The following TENM3 variants were observed in gnomAD, a reference collection of about 807,000 sequenced individuals.
TENM3 encodes teneurin transmembrane protein 3.
A neutral mutation model predicts 255.1 loss-of-function variants in TENM3; 63 were observed. The ratio of observed to expected loss-of-function variants is 0.25; its 90% CI spans 0.20 to 0.30. The LOEUF (loss-of-function observed/expected upper bound fraction) is 0.30. Among genes scored for constraint, TENM3 ranks in the 10% least tolerant of loss-of-function variants. The pLI is 1.00. For missense variants in TENM3, 2,929 were observed against 3,461.1 expected (o/e 0.85, Z 3.86); for synonymous variants, 1,306 against 1,322.3 (o/e 0.99, Z 0.27).
At chr4:181,872,247 A>G in the TENM3 span, among the ~76,000 whole-genome samples, 1 of 151,432 alleles carries the variant, frequency 6.6e-6, no homozygotes, top group Admixed American at 6.6e-5. Context: ...GTGTATACAT[A>G]TATAATATTT....
At chr4:181,641,554 GTATATATATATATATATATATATATATA>G in the TENM3 span, among the ~76,000 whole-genome samples, 14 of 26,912 alleles carry the variant, frequency 5.2e-4, no homozygotes, top group Admixed American at 6.9e-4. Flanking sequence ...TGGTGTGTGT[GTATATATATATATATATATATATATATA>G]TATATATATA....
the TENM3 span, among the ~76,000 whole-genome samples, chr4:181,824,925 G>A: frequency 2.0e-5 from 3 of 152,142 alleles, no homozygotes; most frequent in Non-Finnish European, 4.4e-5. Context: ...ACTGACATTT[G>A]AGGACAGACT....
At chr4:182,142,598 T>A (rs72693841), upstream of TENM3, 10,105 of 167,362 alleles carry the variant, frequency 0.06, 432 homozygotes, top group South Asian at 0.12. Flanking sequence ...GGCGGAATCC[T>A]CTGCTCTGAA....
At chr4:181,596,193 A>G in the TENM3 span, among the ~76,000 whole-genome samples, 1 of 152,218 alleles carries the variant, frequency 6.6e-6, no homozygotes, top group Non-Finnish European at 1.5e-5. Context: ...AAATGCATAC[A>G]TGTATTGCTC....
chr4:181,831,001 T>TA, the TENM3 span, among the ~76,000 whole-genome samples: 2 of 152,190 alleles, frequency 1.3e-5, no homozygotes, highest in South Asian at 4.1e-4. Flanking sequence ...CTCATCAAAG[T>TA]AAAAATAATC....
At chr4:182,176,284 G>A (rs1230814033) in intron 1 of TENM3, among the ~76,000 whole-genome samples, 1 of 152,132 alleles carries the variant, frequency 6.6e-6, no homozygotes, top group Non-Finnish European at 1.5e-5. Context: ...AAATGAACTA[G>A]CAGTGTTTGA....
chr4:182,002,718 T>C, the TENM3 span, among the ~76,000 whole-genome samples: 1 of 152,134 alleles, frequency 6.6e-6, no homozygotes, highest in Admixed American at 6.6e-5. Flanking sequence ...CTCCTGCCCT[T>C]ATTTAAGAAT....
At chr4:182,290,231 A>G (rs890733234) in intron 1 of TENM3, among the ~76,000 whole-genome samples, 1 of 152,140 alleles carries the variant, frequency 6.6e-6, no homozygotes, top group African/African-American at 2.4e-5. Flanking sequence ...TGAATGAGTG[A>G]TGAGTGAACG....
At chr4:181,906,901 T>C in the TENM3 span, among the ~76,000 whole-genome samples, 1 of 152,088 alleles carries the variant, frequency 6.6e-6, no homozygotes, top group Non-Finnish European at 1.5e-5. Flanking sequence ...TTTTTTGAGA[T>C]GGAGTCTCAC....
the TENM3 span, among the ~76,000 whole-genome samples, chr4:181,897,616 A>T: frequency 6.6e-6 from 1 of 152,204 alleles, no homozygotes; most frequent in Non-Finnish European, 1.5e-5. Flanking sequence ...TTTTGATACA[A>T]AAAGCTTATC....
chr4:181,608,049 A>C, the TENM3 span, among the ~76,000 whole-genome samples: 6 of 152,232 alleles, frequency 3.9e-5, no homozygotes, highest in African/African-American at 1.4e-4. Context: ...AGCAATTGGC[A>C]TGTAGGTTTG....
chr4:181,600,606 C>A, the TENM3 span, among the ~76,000 whole-genome samples: 8 of 151,872 alleles, frequency 5.3e-5, no homozygotes, highest in African/African-American at 1.9e-4. Context: ...AGGCAGTATG[C>A]ATTTCCTGGG....
At chr4:182,300,580 G>C (rs867627724) in intron 1 of TENM3, among the ~76,000 whole-genome samples, 24 of 152,298 alleles carry the variant, frequency 1.6e-4, no homozygotes, top group African/African-American at 3.6e-4. Flanking sequence ...TGGGAGGTAG[G>C]GATCCACTCC....
chr4:181,504,341 C>T, the TENM3 span, among the ~76,000 whole-genome samples: 2 of 152,162 alleles, frequency 1.3e-5, no homozygotes, highest in Non-Finnish European at 1.5e-5. Context: ...TCCCCCAATC[C>T]TTTTTTTCTT....
At chr4:182,155,388 CTT>C (rs1303742947) in intron 1 of TENM3, among the ~76,000 whole-genome samples, 2 of 152,010 alleles carry the variant, frequency 1.3e-5, no homozygotes, top group Admixed American at 6.6e-5. Flanking sequence ...AAAGATGGCT[CTT>C]TATAATTGTC....
intron 1 of TENM3, among the ~76,000 whole-genome samples, chr4:182,269,780 A>T (rs1284253444): frequency 1.3e-5 from 2 of 152,228 alleles, no homozygotes; most frequent in Non-Finnish European, 2.9e-5. Context: ...AAAGAGGTTT[A>T]TTCTGAGCCA....
chr4:181,515,591 A>G, the TENM3 span, among the ~76,000 whole-genome samples: 1 of 152,090 alleles, frequency 6.6e-6, no homozygotes, highest in Non-Finnish European at 1.5e-5. Context: ...CAGAAGTCCA[A>G]ATAGTGGCTT....
chr4:182,543,358 A>G (rs924756507), intron 3 of TENM3, among the ~76,000 whole-genome samples: 2 of 152,184 alleles, frequency 1.3e-5, no homozygotes, highest in African/African-American at 4.8e-5. Flanking sequence ...CTATGTCAGG[A>G]GGTTCATGCA....
At chr4:182,117,211 A>G in the TENM3 span, among the ~76,000 whole-genome samples, 4 of 152,266 alleles carry the variant, frequency 2.6e-5, no homozygotes, top group South Asian at 8.3e-4. Context: ...TGTCTTCTGC[A>G]AATATCTTCT....
Sources: gnomAD v4.1 joint callset for allele counts (sites outside exome capture counted in the v4.1 genomes callset) on GRCh38, gnomAD v4.1.1 for gene constraint, MANE v1.5 for transcripts, NCBI Gene and HGNC (gene_info 2026-07-23, HGNC 2026-07-21) for gene names.